The following FYCO1 variants were observed in gnomAD, a reference collection of about 807,000 sequenced individuals.
The protein encoded by FYCO1 is FYVE and coiled-coil domain-containing protein 1.
Under a neutral mutation model 165.1 loss-of-function variants are expected in FYCO1, and 122 were observed. The ratio of observed to expected loss-of-function variants is 0.74; its 90% CI spans 0.64 to 0.86. FYCO1 has a LOEUF of 0.86. Ranked by LOEUF, FYCO1 falls within the 40% of genes least tolerant of loss-of-function variation. The probability of loss-of-function intolerance (pLI) is 0.00; values close to 1 mark genes in which losing one functional copy is unlikely to be tolerated. For missense variants in FYCO1, 1,702 were observed against 1,810.3 expected, an observed-to-expected ratio of 0.94 and a Z score of 1.09; for synonymous variants, 648 against 742.5, an observed-to-expected ratio of 0.87 and a Z score of 2.07.
intron 14 of FYCO1, chr3:45,938,320 G>T: frequency 2.1e-6 from 2 of 961,410 alleles, no homozygotes; most frequent in Non-Finnish European, 1.5e-6. Flanking sequence ...AATTAGGGCA[G>T]AGGGCTTTCT....
chr3:45,961,026 G>A (rs1305659802), intron 11 of FYCO1, among the ~76,000 whole-genome samples: 1 of 152,186 alleles, frequency 6.6e-6, no homozygotes, highest in African/African-American at 2.4e-5. Flanking sequence ...GGAAATGCAA[G>A]GGATGGATGA....
chr3:45,919,388 T>C lies in FYCO1; in HGVS notation c.*2377A>G, dbSNP rs1703018534. 1.3e-5 allele frequency: 2 copies of C among 152,226 alleles called. No homozygotes were observed. Among genetic ancestry groups the C allele is most frequent in the South Asian group, 4.1e-4 (2 of 4,830 alleles). The allele number at this position is 152,226 out of a possible 1,614,324, so 9.4% of individuals were successfully genotyped here. ...CCAGCACAAAAAATAAATTCGCTAA[T>C]GAAACCACATAGTTAGGAAGTCACC... On this transcript the variant is annotated 3_prime_UTR_variant, in exon 18 of 18. Coordinates refer to ENST00000296137, the MANE Select transcript of FYCO1 (RefSeq NM_024513.4).
Position 45,921,815 on chromosome 3 carries a change from G to C in FYCO1, c.4387C>G (p.His1463Asp). The C allele has an allele frequency of 6.2e-7, 1 of 1,612,480 alleles. No homozygotes were observed. Among genetic ancestry groups the C allele is most frequent in the Non-Finnish European group, 8.5e-7 (1 of 1,178,504 alleles). Residue 1463 changes from histidine to aspartate, a missense_variant, in exon 18 of 18, where the codon CAC (histidine) becomes GAC (aspartate). His to Asp is a moderately conservative substitution (Grantham distance 81, BLOSUM62 -1). Transcript: ENST00000296137. ...SRFVSKKVFY[H>D]LTVDRPVIYD... Reference sequence around the variant, plus strand: ...ATCACAGGCCGATCAACCGTCAAGTGATAAAATACCTTTTTAGAGACAAAC... The same window carrying C: ...ATCACAGGCCGATCAACCGTCAAGTCATAAAATACCTTTTTAGAGACAAAC...
intron 12 of FYCO1, 71 bp from the exon 13 acceptor site, chr3:45,958,690 A>G: frequency 2.7e-6 from 4 of 1,483,428 alleles, no homozygotes; most frequent in Non-Finnish European, 3.8e-6. Context: ...CAGCACCCAA[A>G]CTGGGCTCTG....
chr3:45,952,436 G>A (rs1705084161), intron 14 of FYCO1, among the ~76,000 whole-genome samples: 1 of 152,102 alleles, frequency 6.6e-6, no homozygotes, highest in Non-Finnish European at 1.5e-5. Flanking sequence ...TACCAGAAAT[G>A]CTTGGGTTTA....
chr3:45,943,075 G>A (rs979517187), intron 14 of FYCO1, among the ~76,000 whole-genome samples: 2 of 152,150 alleles, frequency 1.3e-5, no homozygotes, highest in African/African-American at 4.8e-5. Flanking sequence ...TATCACATAT[G>A]CTGGAGCTGC....
At chr3:45,946,377 C>T in intron 14 of FYCO1, 1 of 977,358 alleles carries the variant, frequency 1.0e-6, no homozygotes, top group East Asian at 2.4e-5. Context: ...ACTATTTGCC[C>T]CCTAAATGTG....
chr3:45,978,397 T>G (rs1234098860), intron 4 of FYCO1, among the ~76,000 whole-genome samples: 1 of 152,120 alleles, frequency 6.6e-6, no homozygotes, highest in Non-Finnish European at 1.5e-5. Flanking sequence ...ACATGGACAT[T>G]AAAGAAACTC....
chr3:45,994,457 T>A (rs1182676039), intron 1 of FYCO1, among the ~76,000 whole-genome samples: 1 of 152,222 alleles, frequency 6.6e-6, no homozygotes, highest in African/African-American at 2.4e-5. Flanking sequence ...GATCCATCAC[T>A]GTGACAATTA....
chr3:45,921,917 C>T, intron 17 of FYCO1, 77 bp from the exon 18 acceptor site: 3 of 908,194 alleles, frequency 3.3e-6, no homozygotes, highest in Non-Finnish European at 3.7e-6. Context: ...CTGCTGAGGC[C>T]TCTGTGGTCA....
Position 45,968,630 on chromosome 3 carries a change from A to G in FYCO1, c.704T>C (p.Met235Thr). The change falls in exon 8 of 18, where the codon ATG (methionine) becomes ACG (threonine). Residue 235 changes from methionine (M) to threonine (T), a missense_variant. Physicochemically the swap from Met to Thr is moderately conservative, Grantham distance 81. Transcript: ENST00000296137. ...CTCCAACTGGTCCAGCTCTAGTCGC[A>G]TCTCATCAAAGCCCTCCAATGCCTC... ...NNEALEGFDE[M>T]RLELDQLEVR... 1.2e-6 allele frequency: 2 copies of G among 1,614,152 alleles called. No individual in the cohort carries two copies. Among genetic ancestry groups the G allele is most frequent in the South Asian group, 2.2e-5 (2 of 91,082 alleles).
intron 16 of FYCO1, 114 bp from the exon 17 acceptor site, chr3:45,923,879 C>G: frequency 1.3e-6 from 1 of 754,172 alleles, no homozygotes; most frequent in African/African-American, 1.7e-5. Flanking sequence ...CCTGAGGTCA[C>G]AGATGAGCAG....
chr3:45,949,576 C>A (rs542710971), intron 14 of FYCO1, among the ~76,000 whole-genome samples: 2 of 152,170 alleles, frequency 1.3e-5, no homozygotes, highest in Non-Finnish European at 2.9e-5. Context: ...GGATGCAGTA[C>A]CCCTGACCCA....
intron 2 of FYCO1, among the ~76,000 whole-genome samples, chr3:45,983,000 G>A (rs1047564710): frequency 1.3e-5 from 2 of 152,192 alleles, no homozygotes; most frequent in African/African-American, 4.8e-5. Flanking sequence ...AAACTTTGAA[G>A]GAGTAGACTC....
In FYCO1 at chr3:45,979,566, C is replaced by T. The variant is rs141064206; in HGVS notation, c.288+139G>A. 3.9e-4 allele frequency: 390 copies of T among 991,814 alleles called. 3 individuals are homozygous for T. The African/African-American group carries it at 5.2e-3, about 13-fold the overall frequency. The allele number at this position is 991,814 out of a possible 1,614,324, so 61.4% of individuals were successfully genotyped here. A position where few individuals can be genotyped will look rare whatever the true frequency, so the allele number is the denominator to read the frequency against. ...TGAGCCACTGCAACAATGGGCATTG[C>T]GTATACCTGGACTAGATTTCTTTAC... On this transcript the variant is annotated intron_variant, in intron 4 of 17. Coordinates refer to ENST00000296137, the MANE Select transcript of FYCO1 (RefSeq NM_024513.4).
In FYCO1 at chr3:45,966,492, C is replaced by G; in HGVS notation, c.2842G>C (p.Glu948Gln). 1.9e-6 allele frequency: 3 copies of G among 1,611,648 alleles called. No individual in the cohort carries two copies. The highest frequency in any genetic ancestry group is 2.5e-6 in the Non-Finnish European group (3 of 1,177,962). ...EAASREREGL[E>Q]RQVAGLQQEK... ...TGCTGCAGCCCAGCTACTTGGCGCT[C>G]CAGGCCCTCTCGCTCCCTTGAGGCT... Residue 948 changes from glutamate (E) to glutamine (Q), a missense_variant, in exon 8 of 18, where the codon GAG (glutamate) becomes CAG (glutamine). Coordinates refer to ENST00000296137, the MANE Select transcript of FYCO1 (RefSeq NM_024513.4).
chr3:45,979,216 G>A (rs1036770891), intron 4 of FYCO1, among the ~76,000 whole-genome samples: 1 of 152,228 alleles, frequency 6.6e-6, no homozygotes, highest in Admixed American at 6.5e-5. Flanking sequence ...GAGGGGCGCA[G>A]AATTTAAAGT....
chr3:45,933,993 T>TAA (rs71095065), intron 15 of FYCO1, among the ~76,000 whole-genome samples: 8 of 149,748 alleles, frequency 5.3e-5, no homozygotes, highest in South Asian at 2.1e-4. Context: ...ATAACCAAAA[T>TAA]AAAAAAAAAA....
chr3:45,967,171 T>C lies in FYCO1; in HGVS notation c.2163A>G (p.Gln721=). The change falls in exon 8 of 18, where the codon CAA becomes CAG. Residue 721 remains glutamine, a synonymous_variant. Coordinates refer to ENST00000296137, the MANE Select transcript of FYCO1 (RefSeq NM_024513.4). ...QLREEVEQCQ[Q]LAEARHRELR... ...GCTCTCTGTGCCGGGCTTCTGCCAG[T>C]TGCTGGCACTGCTCCACCTCCTCCC... The C allele has an allele frequency of 6.2e-7, 1 of 1,613,356 alleles. No homozygotes were observed. Among genetic ancestry groups the C allele is most frequent in the Non-Finnish European group, 8.5e-7 (1 of 1,179,462 alleles).
Sources: gnomAD v4.1 joint callset for allele counts (sites outside exome capture counted in the v4.1 genomes callset) on GRCh38, gnomAD v4.1.1 for gene constraint, MANE v1.5 for transcripts, NCBI Gene and HGNC (gene_info 2026-07-23, HGNC 2026-07-21) for gene names.